The following VWC2L variants were observed in gnomAD, a reference collection of about 807,000 sequenced individuals.
VWC2L encodes von Willebrand factor C domain containing 2 like, also known as von Willebrand factor C domain-containing protein 2-like.
A neutral mutation model predicts 21.6 loss-of-function variants in VWC2L; 10 were observed. The observed-to-expected ratio is 0.46, with a 90% CI of 0.29 to 0.78. VWC2L has a LOEUF of 0.78. Among genes scored for constraint, VWC2L ranks in the 30% least tolerant of loss-of-function variants. VWC2L has a pLI of 0.10. For synonymous variants in VWC2L, 96 were observed against 94.3 expected, an observed-to-expected ratio of 1.02 and a Z score of -0.10; for missense variants, 209 against 277.1, an observed-to-expected ratio of 0.75 and a Z score of 1.74.
At chr2:214,539,460 T>C (rs1333416372) in intron 3 of VWC2L, among the ~76,000 whole-genome samples, 3 of 152,174 alleles carry the variant, frequency 2.0e-5, no homozygotes. Flanking sequence ...CTTGTATTAA[T>C]TTGGAAAAAA....
At chr2:214,531,931 C>G (rs1199964457) in intron 3 of VWC2L, among the ~76,000 whole-genome samples, 1 of 152,052 alleles carries the variant, frequency 6.6e-6, no homozygotes, top group East Asian at 1.9e-4. Context: ...CTGTAATCTA[C>G]AGTGTTTCAA....
At chr2:214,422,771 T>C (rs1440456430) in intron 2 of VWC2L, among the ~76,000 whole-genome samples, 1 of 152,172 alleles carries the variant, frequency 6.6e-6, no homozygotes, top group Non-Finnish European at 1.5e-5. Context: ...AATGACATCA[T>C]GGAAAGAGTG....
At chr2:214,559,788 G>A (rs1677481646) in intron 3 of VWC2L, among the ~76,000 whole-genome samples, 1 of 152,008 alleles carries the variant, frequency 6.6e-6, no homozygotes, top group Admixed American at 6.6e-5. Context: ...AAATTGTAGA[G>A]ACAAGGTCTA....
chr2:214,528,440 T>C (rs559219087), intron 3 of VWC2L, among the ~76,000 whole-genome samples: 27 of 152,306 alleles, frequency 1.8e-4, no homozygotes, highest in Non-Finnish European at 3.2e-4. Context: ...TAACCTCTCT[T>C]ATACACACCA....
intron 3 of VWC2L, among the ~76,000 whole-genome samples, chr2:214,553,414 C>T (rs4672713): frequency 0.73 from 111,102 of 152,016 alleles, 41,145 homozygotes; most frequent in East Asian, 0.83. Context: ...GGGTTTGGTC[C>T]AGAAAGGTGG....
chr2:214,442,961 A>C, intron 3 of VWC2L, among the ~76,000 whole-genome samples: 1 of 152,226 alleles, frequency 6.6e-6, no homozygotes, highest in South Asian at 2.1e-4. Flanking sequence ...AGCATTCTTC[A>C]ATCAATTACG....
chr2:214,512,031 T>A (rs1689064326), intron 3 of VWC2L, among the ~76,000 whole-genome samples: 1 of 151,896 alleles, frequency 6.6e-6, no homozygotes, highest in African/African-American at 2.4e-5. Context: ...GACATATTAT[T>A]TACAAGCCAT....
intron 3 of VWC2L, among the ~76,000 whole-genome samples, chr2:214,456,547 T>C (rs1703060203): frequency 6.6e-6 from 1 of 152,182 alleles, no homozygotes; most frequent in Admixed American, 6.5e-5. Context: ...ATTGTATTCT[T>C]TGCTGTGCAA....
chr2:214,541,030 T>TC (rs549312648), intron 3 of VWC2L, among the ~76,000 whole-genome samples: 84 of 152,290 alleles, frequency 5.5e-4, no homozygotes, highest in African/African-American at 1.9e-3. Flanking sequence ...TGTTAATACT[T>TC]GGAAAGGATA....
intron 3 of VWC2L, among the ~76,000 whole-genome samples, chr2:214,476,793 C>T (rs1287962186): frequency 6.6e-6 from 1 of 152,160 alleles, no homozygotes; most frequent in Non-Finnish European, 1.5e-5. Context: ...TCCTCTCTCT[C>T]CCTTTTAAGA....
At chr2:214,545,258 A>G (rs1689687442) in intron 3 of VWC2L, among the ~76,000 whole-genome samples, 1 of 152,204 alleles carries the variant, frequency 6.6e-6, no homozygotes, top group Non-Finnish European at 1.5e-5. Flanking sequence ...AGGAGCACTG[A>G]CATGTGTTAT....
At position 214,554,642 on chromosome 2, in the gene VWC2L, A is replaced by G. The variant is rs112982938; in HGVS notation, c.521-21030A>G. ...CACGCCATTGCACTATAGCCTGGGC[A>G]ACAAGAGCAAAACTCCATCTCAAAA... On this transcript the variant is annotated intron_variant, in intron 3 of 3. Transcript: ENST00000312504. Among the ~76,000 whole-genome samples the G allele has an allele frequency of 5.9e-3, 900 of 152,282 alleles. 9 individuals carry two copies. Among genetic ancestry groups the G allele is most frequent in the African/African-American group, 0.02 (850 of 41,556 alleles).
chr2:214,490,911 G>A (rs888830836), intron 3 of VWC2L, among the ~76,000 whole-genome samples: 13 of 152,178 alleles, frequency 8.5e-5, no homozygotes, highest in South Asian at 2.1e-4. Flanking sequence ...TGGAAACACC[G>A]TGCTAAATGA....
intron 3 of VWC2L, among the ~76,000 whole-genome samples, chr2:214,556,598 G>T (rs1689876613): frequency 6.6e-6 from 1 of 152,122 alleles, no homozygotes; most frequent in African/African-American, 2.4e-5. Context: ...TATGAGTTGG[G>T]TGCCACAGCC....
chr2:214,422,840 C>T (rs967564051), intron 2 of VWC2L, among the ~76,000 whole-genome samples: 1 of 152,118 alleles, frequency 6.6e-6, no homozygotes, highest in Non-Finnish European at 1.5e-5. Flanking sequence ...TTTCAGATGA[C>T]ATTATTCTAT....
At chr2:214,420,267 G>T (rs960970284) in intron 2 of VWC2L, among the ~76,000 whole-genome samples, 2 of 152,042 alleles carry the variant, frequency 1.3e-5, no homozygotes, top group Non-Finnish European at 2.9e-5. Flanking sequence ...ACGTTTGAGT[G>T]GGAAGAATTT....
intron 3 of VWC2L, among the ~76,000 whole-genome samples, chr2:214,440,671 T>G (rs866681771): frequency 6.6e-6 from 1 of 152,140 alleles, no homozygotes; most frequent in East Asian, 1.9e-4. Context: ...TATTTTTGTA[T>G]GTGAATTAAT....
At position 214,559,071 on chromosome 2, in the gene VWC2L, T is replaced by C. The variant is rs558553154; in HGVS notation, c.521-16601T>C. The stretch of plus-strand genomic sequence containing the variant: ...AGGCAACCTACAAAATGGGAGAAAA[T>C]TTTCACAACCTACTCATCTGACAAA... On this transcript the variant is annotated intron_variant, in intron 3 of 3. Transcript: ENST00000312504. Among the ~76,000 whole-genome samples the C allele has an allele frequency of 2.4e-5, 3 of 127,132 alleles. No individual in the cohort carries two copies. The South Asian group carries it at 7.3e-4, about 31-fold the overall frequency. The allele number at this position is 127,132 out of a possible 152,430, so 83.4% of individuals were successfully genotyped here.
rs1487824455 is a variant in VWC2L at position 214,479,979 on chromosome 2, AC to A, written c.520+43222del. 2.0e-5 allele frequency among the ~76,000 whole-genome samples: 3 copies of A among 152,256 alleles called. No homozygotes were observed. The East Asian group carries it at 5.8e-4, about 29-fold the overall frequency. ...TTGTGTCATTAATGAACATGTACAG[AC>A]TTTTTTCTTGTAATTACTTTCTAAA... On this transcript the variant is annotated intron_variant, in intron 3 of 3. Transcript: ENST00000312504.
Sources: gnomAD v4.1 joint callset for allele counts (sites outside exome capture counted in the v4.1 genomes callset) on GRCh38, gnomAD v4.1.1 for gene constraint, MANE v1.5 for transcripts, NCBI Gene and HGNC (gene_info 2026-07-23, HGNC 2026-07-21) for gene names.